MEMO1: variants seen among roughly 807,000 people sequenced by gnomAD.
MEMO1 encodes mediator of cell motility 1.
MEMO1 carries 6 observed loss-of-function variants against 45.2 expected under a neutral mutation model. The observed-to-expected ratio is 0.13, with a 90% CI of 0.07 to 0.26. The LOEUF is 0.26. MEMO1 is among the 10% of genes least tolerant of loss of function. The pLI is 1.00. For missense variants in MEMO1, 184 were observed against 370.5 expected (o/e 0.50, Z 4.13); for synonymous variants, 78 against 124.3 (o/e 0.63, Z 2.48).
intron 4 of MEMO1, among the ~76,000 whole-genome samples, chr2:31,925,337 G>A (rs112654043): frequency 3.3e-5 from 5 of 151,772 alleles, no homozygotes; most frequent in South Asian, 2.1e-4. Flanking sequence ...TTAGCCAGGC[G>A]TGGTGGCACA....
At chr2:31,965,634 A>C (rs1192229761) in intron 2 of MEMO1, among the ~76,000 whole-genome samples, 1 of 152,196 alleles carries the variant, frequency 6.6e-6, no homozygotes, top group Non-Finnish European at 1.5e-5. Context: ...ATCTATAAAA[A>C]TGAGGATAAA....
intron 2 of MEMO1, among the ~76,000 whole-genome samples, chr2:31,953,854 A>G (rs746240610): frequency 3.3e-5 from 5 of 151,888 alleles, no homozygotes; most frequent in African/African-American, 4.8e-5. Flanking sequence ...TAATCTCGCT[A>G]CTCTCCTTCA....
At chr2:31,884,012 C>G (rs1236071046) in intron 7 of MEMO1, among the ~76,000 whole-genome samples, 2 of 151,338 alleles carry the variant, frequency 1.3e-5, no homozygotes, top group Non-Finnish European at 2.9e-5. Context: ...AGGATCAATA[C>G]AAGTGCCTTA....
chr2:31,900,261 CA>C (rs1678578972), intron 6 of MEMO1, among the ~76,000 whole-genome samples: 1 of 152,102 alleles, frequency 6.6e-6, no homozygotes, highest in African/African-American at 2.4e-5. Flanking sequence ...TTCACAGCAG[CA>C]AAGACTTGGA....
At chr2:31,970,545 G>C (rs931713346) in intron 2 of MEMO1, among the ~76,000 whole-genome samples, 4 of 151,166 alleles carry the variant, frequency 2.6e-5, no homozygotes, top group African/African-American at 9.7e-5. Flanking sequence ...TGAGTCTTAG[G>C]TTTACTATCT....
At chr2:31,901,500 AT>A in intron 6 of MEMO1, among the ~76,000 whole-genome samples, 1 of 152,240 alleles carries the variant, frequency 6.6e-6, no homozygotes, top group East Asian at 1.9e-4. Context: ...TTTATATGAA[AT>A]TTCCACAAAA....
chr2:31,907,450 T>G (rs1489875689), intron 6 of MEMO1, among the ~76,000 whole-genome samples: 1 of 152,094 alleles, frequency 6.6e-6, no homozygotes, highest in Non-Finnish European at 1.5e-5. Context: ...TTAAAAATCT[T>G]AAAATGTTGA....
intron 6 of MEMO1, among the ~76,000 whole-genome samples, chr2:31,905,938 CA>C (rs1679616016): frequency 2.0e-5 from 3 of 152,038 alleles, no homozygotes; most frequent in Admixed American, 2.0e-4. Flanking sequence ...TTCATATTGC[CA>C]TCACACCATC....
chr2:31,872,992 A>G (rs1674013656), intron 8 of MEMO1, among the ~76,000 whole-genome samples: 1 of 152,218 alleles, frequency 6.6e-6, no homozygotes, highest in African/African-American at 2.4e-5. Context: ...TTATGTTAAC[A>G]GCTATGAGAT....
chr2:31,918,106 C>A, intron 5 of MEMO1, 69 bp from the exon 6 acceptor site: 1 of 1,013,532 alleles, frequency 9.9e-7, no homozygotes, highest in Admixed American at 3.0e-5. Flanking sequence ...AGATTCCACC[C>A]AGTAACACAA....
At chr2:31,926,499 G>A (rs1683133915) in intron 4 of MEMO1, among the ~76,000 whole-genome samples, 1 of 151,976 alleles carries the variant, frequency 6.6e-6, no homozygotes. Context: ...CTGTAAGCTT[G>A]ATAGCCTCCA....
At position 31,884,004 on chromosome 2, in the gene MEMO1, G is replaced by A. The variant is rs6714516; in HGVS notation, c.581-542C>T. Among the ~76,000 whole-genome samples the A allele has an allele frequency of 7.5e-3, 1,133 of 151,520 alleles. 14 individuals are homozygous for A. The highest frequency in any genetic ancestry group is 0.023 in the African/African-American group (968 of 41,356). ...CTCATTTTTGCACAACTTGGAAAAG[G>A]ATCAATACAAGTGCCTTATGCAACG... On this transcript the variant is annotated intron_variant, in intron 7 of 9. Transcript: ENST00000404530.
rs752753671 is a variant in MEMO1, at chr2:31,994,935, G to A, written c.61+15252C>T. Among the ~76,000 whole-genome samples the A allele has an allele frequency of 3.0e-3, 452 of 151,424 alleles. 7 individuals carry two copies. Among genetic ancestry groups the A allele is most frequent in the Non-Finnish European group, 2.3e-3 (156 of 67,832 alleles). ...GGCACTCGTGCCTTGCGGTGGGGGT[G>A]GAGGTAGAGCAAGGGAGGGAGGGAG... On this transcript the variant is annotated intron_variant, in intron 2 of 9. Transcript: ENST00000404530.
chr2:31,872,125 A>G (rs1673875716), intron 8 of MEMO1, among the ~76,000 whole-genome samples: 1 of 152,182 alleles, frequency 6.6e-6, no homozygotes, highest in Non-Finnish European at 1.5e-5. Flanking sequence ...AATGGATTGT[A>G]GTAATGCAGA....
chr2:32,000,966 T>C (rs79136315), intron 2 of MEMO1, among the ~76,000 whole-genome samples: 3 of 152,146 alleles, frequency 2.0e-5, no homozygotes, highest in Non-Finnish European at 2.9e-5. Context: ...ATAGCAGAAA[T>C]TGATTCGTTC....
At chr2:31,983,126 T>C (rs1036214478) in intron 2 of MEMO1, among the ~76,000 whole-genome samples, 1 of 149,906 alleles carries the variant, frequency 6.7e-6, no homozygotes, top group African/African-American at 2.4e-5. Flanking sequence ...CTGGGTGTGG[T>C]GATGGGCGCC....
chr2:31,980,602 A>G (rs567546029), intron 2 of MEMO1, among the ~76,000 whole-genome samples: 1 of 152,246 alleles, frequency 6.6e-6, no homozygotes, highest in South Asian at 2.1e-4. Context: ...CTATTTTACC[A>G]ATCCTATATA....
chr2:31,975,512 CAA>C (rs1358174787), intron 2 of MEMO1, among the ~76,000 whole-genome samples: 1 of 152,108 alleles, frequency 6.6e-6, no homozygotes, highest in Non-Finnish European at 1.5e-5. Flanking sequence ...ACCCAGATCT[CAA>C]GAGTACAGCA....
At chr2:32,010,065 C>A in intron 2 of MEMO1, 122 bp downstream of exon 2, 1 of 304,046 alleles carries the variant, frequency 3.3e-6, no homozygotes, top group Non-Finnish European at 4.8e-6. Flanking sequence ...CCGCGCCCGG[C>A]GGCCCGTCCG....
Sources: allele counts gnomAD v4.1 joint callset (sites outside exome capture counted in the v4.1 genomes callset), GRCh38; gene constraint gnomAD v4.1.1; transcripts MANE v1.5; gene names NCBI Gene and HGNC (gene_info 2026-07-23, HGNC 2026-07-21).